The following NEGR1 variants were observed in gnomAD, a reference collection of about 807,000 sequenced individuals.
NEGR1 encodes the protein IgLON family member 4.
Under a neutral mutation model 40.9 loss-of-function variants are expected in NEGR1, and 10 were observed. The observed-to-expected ratio is 0.24, with a 90% CI of 0.15 to 0.42. NEGR1 has a LOEUF of 0.42. NEGR1 is among the 10% of genes least tolerant of loss of function. NEGR1 has a pLI of 1.00. For synonymous variants in NEGR1, 185 were observed against 166.8 expected, an observed-to-expected ratio of 1.11 and a Z score of -0.84; for missense variants, 352 against 438.9, an observed-to-expected ratio of 0.80 and a Z score of 1.77.
intron 3 of NEGR1, among the ~76,000 whole-genome samples, chr1:71,746,704 A>G (rs1655394860): frequency 6.6e-6 from 1 of 151,898 alleles, no homozygotes; most frequent in Admixed American, 6.6e-5. Context: ...AAGAATATTT[A>G]TAAATATGTA....
intron 2 of NEGR1, among the ~76,000 whole-genome samples, chr1:71,847,518 T>A (rs1659460873): frequency 6.6e-6 from 1 of 152,190 alleles, no homozygotes; most frequent in African/African-American, 2.4e-5. Flanking sequence ...TGATTTGTGA[T>A]CAGTGATCTT....
chr1:71,522,807 C>A (rs189236040), intron 6 of NEGR1, among the ~76,000 whole-genome samples: 4 of 151,430 alleles, frequency 2.6e-5, no homozygotes, highest in African/African-American at 4.8e-5. Context: ...CAGACTCACA[C>A]GCTCCTATGT....
At chr1:71,733,175 G>C (rs1475393577) in intron 3 of NEGR1, among the ~76,000 whole-genome samples, 1 of 151,704 alleles carries the variant, frequency 6.6e-6, no homozygotes, top group Non-Finnish European at 1.5e-5. Context: ...TCAGAGATTA[G>C]AGTGAGATTT....
At chr1:71,983,961 CAGAATGCTA>C (rs1646375106) in intron 1 of NEGR1, among the ~76,000 whole-genome samples, 1 of 117,606 alleles carries the variant, frequency 8.5e-6, no homozygotes, top group East Asian at 5.8e-4. Flanking sequence ...GTCATAGAAT[CAGAATGCTA>C]AAGGAGTCTC....
chr1:71,928,419 C>T (rs1289208837), intron 2 of NEGR1, among the ~76,000 whole-genome samples: 3 of 126,072 alleles, frequency 2.4e-5, no homozygotes, highest in Admixed American at 8.4e-5. Flanking sequence ...TGTATATATA[C>T]ACACATATGT....
chr1:72,234,937 A>G (rs535676871), intron 1 of NEGR1, among the ~76,000 whole-genome samples: 1 of 152,268 alleles, frequency 6.6e-6, no homozygotes, highest in East Asian at 1.9e-4. Flanking sequence ...AAGGAATATA[A>G]TTCAGTCTAT....
chr1:71,804,939 C>T (rs890189888), intron 2 of NEGR1, among the ~76,000 whole-genome samples: 32 of 152,098 alleles, frequency 2.1e-4, no homozygotes, highest in African/African-American at 2.9e-4. Flanking sequence ...GGAGAAATAT[C>T]GCTGAATTCT....
intron 1 of NEGR1, among the ~76,000 whole-genome samples, chr1:72,236,131 A>G (rs1462825904): frequency 6.6e-6 from 1 of 152,142 alleles, no homozygotes; most frequent in Non-Finnish European, 1.5e-5. Flanking sequence ...TGCCATTTGC[A>G]GGAACATGGA....
At position 71,480,305 on chromosome 1, in the gene NEGR1, G is replaced by T. The variant is rs955300912; in HGVS notation, c.941-72735C>A. 2.0e-5 allele frequency among the ~76,000 whole-genome samples: 3 copies of T among 151,958 alleles called. No homozygotes were observed. The East Asian group carries it at 5.8e-4, about 30-fold the overall frequency. On this transcript the variant is annotated intron_variant, in intron 6 of 6. Coordinates refer to ENST00000357731, the MANE Select transcript of NEGR1 (RefSeq NM_173808.3). The stretch of plus-strand genomic sequence containing the variant: ...AGAAACTAAGGCCATGGACGTTAAG[G>T]AGCTTGCTTAAGGTTTTAGGGTAAT...
At chr1:72,074,441 G>T (rs907082230) in intron 1 of NEGR1, among the ~76,000 whole-genome samples, 2 of 151,482 alleles carry the variant, frequency 1.3e-5, no homozygotes, top group Non-Finnish European at 2.9e-5. Flanking sequence ...TATCAGTTGG[G>T]AAAGGAAAAA....
chr1:71,615,334 C>T (rs1320416932), intron 4 of NEGR1, among the ~76,000 whole-genome samples: 1 of 151,384 alleles, frequency 6.6e-6, no homozygotes, highest in African/African-American at 2.4e-5. Context: ...TGAAGTGATA[C>T]AAACTAAGAC....
chr1:71,995,289 G>T (rs1056379781), intron 1 of NEGR1, among the ~76,000 whole-genome samples: 24 of 152,224 alleles, frequency 1.6e-4, no homozygotes, highest in Admixed American at 4.6e-4. Context: ...TGGGAGAATT[G>T]ACAACTTAAA....
intron 6 of NEGR1, chr1:71,490,030 T>G (rs1439835696): frequency 6.6e-6 from 1 of 152,026 alleles, no homozygotes; most frequent in East Asian, 1.9e-4. Flanking sequence ...TACTTAAAAT[T>G]TAATTGTATG....
chr1:71,487,849 A>G (rs1346374181), intron 6 of NEGR1: 1 of 151,726 alleles, frequency 6.6e-6, no homozygotes, highest in Admixed American at 6.6e-5. Flanking sequence ...ACAATATAAT[A>G]TATTTGCAAC....
At chr1:71,805,428 G>A (rs1158496331) in intron 2 of NEGR1, among the ~76,000 whole-genome samples, 1 of 152,062 alleles carries the variant, frequency 6.6e-6, no homozygotes, top group South Asian at 2.1e-4. Flanking sequence ...CGGACACCCA[G>A]TTTTAAAATT....
intron 1 of NEGR1, among the ~76,000 whole-genome samples, chr1:72,017,047 G>A (rs1646716776): frequency 6.6e-6 from 1 of 151,888 alleles, no homozygotes; most frequent in South Asian, 2.1e-4. Flanking sequence ...ATATGTATTG[G>A]AGTGAATGTG....
chr1:71,854,204 A>T (rs1659693072), intron 2 of NEGR1, among the ~76,000 whole-genome samples: 1 of 151,872 alleles, frequency 6.6e-6, no homozygotes, highest in Non-Finnish European at 1.5e-5. Flanking sequence ...TATTTTTGGT[A>T]CCTTTTACAT....
intron 2 of NEGR1, among the ~76,000 whole-genome samples, chr1:71,786,089 A>C (rs756058834): frequency 6.6e-6 from 1 of 152,166 alleles, no homozygotes; most frequent in Non-Finnish European, 1.5e-5. Flanking sequence ...GATAATATAC[A>C]TTCACTGAAA....
intron 2 of NEGR1, among the ~76,000 whole-genome samples, chr1:71,807,089 G>A (rs1042538508): frequency 6.6e-6 from 1 of 151,702 alleles, no homozygotes; most frequent in African/African-American, 2.4e-5. Context: ...GTAGAGACAG[G>A]GTTTCACCGT....
Sources: gnomAD v4.1 joint callset for allele counts (sites outside exome capture counted in the v4.1 genomes callset) on GRCh38, gnomAD v4.1.1 for gene constraint, MANE v1.5 for transcripts, NCBI Gene and HGNC (gene_info 2026-07-23, HGNC 2026-07-21) for gene names.